The following POC1A variants were observed in gnomAD, a reference collection of about 807,000 sequenced individuals.
POC1A encodes the protein POC1 centriolar protein A.
Under a neutral mutation model 47.8 loss-of-function variants are expected in POC1A, and 34 were observed. The ratio of observed to expected loss-of-function variants is 0.71; its 90% confidence interval spans 0.54 to 0.95. POC1A has a LOEUF of 0.95. POC1A is among the 40% of genes least tolerant of loss of function. POC1A has a pLI of 0.00. For missense variants in POC1A, 466 were observed against 528.3 expected, an observed-to-expected ratio of 0.88 and a Z score of 1.16; for synonymous variants, 177 against 207.6, an observed-to-expected ratio of 0.85 and a Z score of 1.27.
Position 52,151,046 on chromosome 3 carries a change from C to T in POC1A, c.73G>A (p.Val25Met), listed in dbSNP as rs200415878. The stretch of plus-strand genomic sequence containing the variant: ...TGCTTTGTGTTGATACTGAAGTCCA[C>T]ACAGGTAACTGCATCTCGGTGGCCC... ...FKGHRDAVTC[V>M]DFSINTKQLA... The change falls in exon 2 of 11, where the codon GTG (valine) becomes ATG (methionine). Residue 25 changes from valine to methionine, a missense_variant. Val to Met is a conservative substitution (Grantham distance 21, BLOSUM62 1). Transcript: ENST00000296484. The T allele has an allele frequency of 1.1e-5, 17 of 1,613,972 alleles. No homozygotes were observed. The highest frequency in any genetic ancestry group is 1.4e-5 in the Non-Finnish European group (16 of 1,179,940).
intron 9 of POC1A, among the ~76,000 whole-genome samples, chr3:52,119,214 C>T (rs1479527351): frequency 6.6e-6 from 1 of 152,022 alleles, no homozygotes; most frequent in Non-Finnish European, 1.5e-5. Context: ...GCCTCTCCCA[C>T]CTCATCCCCG....
At position 52,090,099 on chromosome 3, in the gene POC1A, T is replaced by C. The variant is rs1471981141; in HGVS notation, c.1125+6470A>G. 1.3e-5 allele frequency among the ~76,000 whole-genome samples: 2 copies of C among 152,064 alleles called. No individual in the cohort carries two copies. The highest frequency in any genetic ancestry group is 2.9e-5 in the Non-Finnish European group (2 of 68,006). On this transcript the variant is annotated intron_variant, in intron 10 of 10. Transcript: ENST00000296484. This position sits in a 1 kb window ranked among gnomAD's most constrained non-coding sequence, Gnocchi z 4.2. Reference sequence around the variant, plus strand: ...GCAATGACTTGAACACTTAACAAAATCGAATGCCAAAGAGACCCAAACAAG... The same window carrying C: ...GCAATGACTTGAACACTTAACAAAACCGAATGCCAAAGAGACCCAAACAAG...
At chr3:52,100,167 A>G (rs766371564) in intron 9 of POC1A, among the ~76,000 whole-genome samples, 12 of 152,332 alleles carry the variant, frequency 7.9e-5, no homozygotes, top group Admixed American at 5.9e-4. Flanking sequence ...CTTCACACAC[A>G]GTAGGAATTG....
intron 1 of POC1A, among the ~76,000 whole-genome samples, chr3:52,152,735 T>A (rs1185176041): frequency 6.6e-6 from 1 of 152,212 alleles, no homozygotes; most frequent in Non-Finnish European, 1.5e-5. Flanking sequence ...TTTTCCTTAA[T>A]AGCCAACAAG....
At chr3:52,113,432 G>A (rs2107051482) in intron 9 of POC1A, among the ~76,000 whole-genome samples, 1 of 152,350 alleles carries the variant, frequency 6.6e-6, no homozygotes, top group Middle Eastern at 3.4e-3. Flanking sequence ...GCTGGGCACG[G>A]TGGCTCACGC....
At position 52,084,544 on chromosome 3, in the gene POC1A, C is replaced by T. The variant is rs562788671; in HGVS notation, c.1126-8559G>A. ...CCTGTCTAGGCTGCGAGGAAAGCTA[C>T]TCCACCACCACTGACAGCAAAGAAC... On this transcript the variant is annotated intron_variant, in intron 10 of 10. Coordinates refer to ENST00000296484, the MANE Select transcript of POC1A (RefSeq NM_015426.5). This position sits in a 1 kb window ranked among gnomAD's most constrained non-coding sequence, Gnocchi z 4.3. 2.0e-5 allele frequency among the ~76,000 whole-genome samples: 3 copies of T among 152,342 alleles called. No homozygotes were observed. The highest frequency in any genetic ancestry group is 6.5e-5 in the Admixed American group (1 of 15,308).
chr3:52,113,440 C>T (rs895218301), intron 9 of POC1A, among the ~76,000 whole-genome samples: 15 of 152,344 alleles, frequency 9.8e-5, no homozygotes, highest in African/African-American at 2.2e-4. Flanking sequence ...CGGTGGCTCA[C>T]GCCTGCAATC....
chr3:52,081,285 T>C (rs1205236677), intron 10 of POC1A, among the ~76,000 whole-genome samples: 2 of 152,214 alleles, frequency 1.3e-5, no homozygotes, highest in Non-Finnish European at 2.9e-5. Context: ...TGACAGAGGC[T>C]GTATGGTCCA....
chr3:52,078,708 T>C (rs1206589181), intron 10 of POC1A, among the ~76,000 whole-genome samples: 1 of 152,174 alleles, frequency 6.6e-6, no homozygotes, highest in African/African-American at 2.4e-5. Context: ...AGACGGGGTT[T>C]CACCGTGGTC....
intron 7 of POC1A, among the ~76,000 whole-genome samples, chr3:52,132,361 C>A (rs1704244222): frequency 1.3e-5 from 2 of 152,130 alleles, no homozygotes; most frequent in Non-Finnish European, 2.9e-5. Flanking sequence ...ACTGTTTGTT[C>A]CTAAAAATAC....
At chr3:52,087,015 T>C (rs937361399) in intron 10 of POC1A, among the ~76,000 whole-genome samples, 1 of 152,100 alleles carries the variant, frequency 6.6e-6, no homozygotes, top group Admixed American at 6.5e-5. Flanking sequence ...AGGTCTAATC[T>C]AGGGATGGGC....
chr3:52,088,723 G>A (rs1034452688), intron 10 of POC1A, among the ~76,000 whole-genome samples: 1 of 151,938 alleles, frequency 6.6e-6, no homozygotes, highest in African/African-American at 2.4e-5. Context: ...TCCCCGAGGA[G>A]CAAGAGCAAA....
At chr3:52,076,258 T>C (rs527847716) in intron 10 of POC1A, among the ~76,000 whole-genome samples, 12 of 152,222 alleles carry the variant, frequency 7.9e-5, no homozygotes, top group Non-Finnish European at 1.6e-4. Context: ...GCAGGTCCCA[T>C]AGCCTTTGGT....
At chr3:52,147,739 C>T (rs1056188830) in intron 4 of POC1A, among the ~76,000 whole-genome samples, 2 of 152,158 alleles carry the variant, frequency 1.3e-5, no homozygotes, top group Non-Finnish European at 2.9e-5. Flanking sequence ...CCTTCAAGCT[C>T]GGCCTATGAC....
intron 4 of POC1A, among the ~76,000 whole-genome samples, 189 bp from the exon 5 acceptor site, chr3:52,147,284 G>A (rs957825389): frequency 2.6e-5 from 4 of 151,636 alleles, no homozygotes; most frequent in Non-Finnish European, 5.9e-5. Flanking sequence ...AGGAACAAAT[G>A]CATTGCATCC....
chr3:52,089,508 A>C (rs1302734423), intron 10 of POC1A, among the ~76,000 whole-genome samples: 5 of 152,192 alleles, frequency 3.3e-5, no homozygotes. Context: ...GAAGGTCCAC[A>C]ACAAGGAGGG....
At chr3:52,087,515 T>C (rs926047974) in intron 10 of POC1A, among the ~76,000 whole-genome samples, 2 of 152,124 alleles carry the variant, frequency 1.3e-5, no homozygotes, top group African/African-American at 4.8e-5. Context: ...GGATATAGGA[T>C]TTCTCTGACG....
intron 9 of POC1A, among the ~76,000 whole-genome samples, chr3:52,103,624 G>A (rs1280631455): frequency 6.6e-6 from 1 of 151,994 alleles, no homozygotes; most frequent in Non-Finnish European, 1.5e-5. Context: ...CCTTGGGTTG[G>A]GTATATTCCT....
intron 9 of POC1A, among the ~76,000 whole-genome samples, chr3:52,115,417 G>A (rs149102638): frequency 0.018 from 2,683 of 152,274 alleles, 38 homozygotes; most frequent in Non-Finnish European, 0.029. Context: ...CTAAGAATCC[G>A]TTGAACCCAC....
Sources: gnomAD v4.1 joint callset for allele counts (sites outside exome capture counted in the v4.1 genomes callset) on GRCh38, gnomAD v4.1.1 for gene constraint, Gnocchi (gnomAD v3.1) non-coding constraint, MANE v1.5 for transcripts, NCBI Gene and HGNC (gene_info 2026-07-23, HGNC 2026-07-21) for gene names.